The following MAGI2 variants were observed in gnomAD, a reference collection of about 807,000 sequenced individuals.
The protein encoded by MAGI2 is membrane-associated guanylate kinase, WW and PDZ domain-containing protein 2.
MAGI2 carries 35 observed loss-of-function variants against 133.3 expected under a neutral mutation model. The observed-to-expected ratio is 0.26, with a 90% confidence interval of 0.20 to 0.35. MAGI2 has a LOEUF of 0.35. MAGI2 is among the 10% of genes least tolerant of loss of function. The probability of loss-of-function intolerance (pLI) is 1.00; values close to 1 mark genes in which losing one functional copy is unlikely to be tolerated. For synonymous variants in MAGI2, 729 were observed against 710.6 expected, an observed-to-expected ratio of 1.03 and a Z score of -0.41; for missense variants, 1,636 against 1,863.4, an observed-to-expected ratio of 0.88 and a Z score of 2.25.
chr7:78,611,786 A>G (rs748601941), intron 3 of MAGI2, among the ~76,000 whole-genome samples: 40 of 152,160 alleles, frequency 2.6e-4, no homozygotes, highest in Non-Finnish European at 2.8e-4. Flanking sequence ...ACTGCCAACA[A>G]TTCTTATGCT....
intron 2 of MAGI2, among the ~76,000 whole-genome samples, chr7:78,835,202 T>C (rs1219882873): frequency 6.6e-6 from 1 of 152,222 alleles, no homozygotes; most frequent in Non-Finnish European, 1.5e-5. Context: ...ACCAGCAACG[T>C]ACAAAGTTTC....
chr7:79,093,596 T>C (rs967239712), intron 1 of MAGI2, among the ~76,000 whole-genome samples: 2 of 152,150 alleles, frequency 1.3e-5, no homozygotes, highest in Non-Finnish European at 2.9e-5. Flanking sequence ...TTCTTGCTGG[T>C]TAGAGAGTCT....
At chr7:79,275,107 C>T (rs367877969) in intron 1 of MAGI2, among the ~76,000 whole-genome samples, 1 of 152,066 alleles carries the variant, frequency 6.6e-6, no homozygotes, top group South Asian at 2.1e-4. Context: ...GGAAGAGTCA[C>T]AAGTCTCTCA....
chr7:78,743,824 C>T (rs1038700693), intron 2 of MAGI2, among the ~76,000 whole-genome samples: 1 of 152,158 alleles, frequency 6.6e-6, no homozygotes, highest in African/African-American at 2.4e-5. Flanking sequence ...CTGAACAGTT[C>T]TCTATTCCAA....
intron 1 of MAGI2, among the ~76,000 whole-genome samples, chr7:79,367,357 G>T (rs1237676195): frequency 6.6e-6 from 1 of 152,226 alleles, no homozygotes; most frequent in East Asian, 1.9e-4. Flanking sequence ...ATGCATCATT[G>T]ATGTTGCTTA....
chr7:78,058,989 G>C (rs1232939706), intron 21 of MAGI2, among the ~76,000 whole-genome samples: 1 of 152,130 alleles, frequency 6.6e-6, no homozygotes, highest in African/African-American at 2.4e-5. Flanking sequence ...CATTCAGCAG[G>C]TTTTATTGAT....
At chr7:78,043,246 T>C (rs939182154) in intron 21 of MAGI2, among the ~76,000 whole-genome samples, 3 of 152,212 alleles carry the variant, frequency 2.0e-5, no homozygotes, top group African/African-American at 4.8e-5. Flanking sequence ...ATAAAAATAG[T>C]GTTTTTTTTG....
At position 78,738,884 on chromosome 7, in the gene MAGI2, TAAGAAA is replaced by T. The variant is rs552833683; in HGVS notation, c.419-111651_419-111646del. On this transcript the variant is annotated intron_variant, in intron 2 of 21. Coordinates refer to ENST00000354212, the MANE Select transcript of MAGI2 (RefSeq NM_012301.4). The stretch of plus-strand genomic sequence containing the variant: ...AGTAAATAAGAAAGAAGAAACTACA[TAAGAAA>T]AAGAAAAATATAGATACATAACTCA... Among the ~76,000 whole-genome samples the T allele has an allele frequency of 1.3e-4, 20 of 152,080 alleles. No individual in the cohort carries two copies. In the South Asian group the frequency reaches 1.4e-3, roughly 11 times the overall value.
chr7:78,631,081 ATTGT>A lies in MAGI2; in HGVS notation c.419-3846_419-3843del, dbSNP rs1192010164. Among the ~76,000 whole-genome samples, 3 of 152,264 alleles carry A rather than the reference ATTGT, an allele frequency of 2.0e-5. No homozygotes were observed. The East Asian group carries it at 5.8e-4, about 29-fold the overall frequency. On this transcript the variant is annotated intron_variant, in intron 2 of 21. Coordinates refer to ENST00000354212, the MANE Select transcript of MAGI2 (RefSeq NM_012301.4). ...CTGTCGAAGGTTGCATGGAAGCCACATTGTTTGAGATTTTCCAAGCCTGAAAATG... is the reference window on the plus strand; with the variant it reads ...CTGTCGAAGGTTGCATGGAAGCCACATTGAGATTTTCCAAGCCTGAAAATG...
At chr7:78,785,636 T>G (rs1826754254) in intron 2 of MAGI2, among the ~76,000 whole-genome samples, 1 of 152,194 alleles carries the variant, frequency 6.6e-6, no homozygotes, top group African/African-American at 2.4e-5. Context: ...GGTTATATCT[T>G]TACTCCTTGC....
chr7:78,063,390 T>C (rs1813482305), intron 21 of MAGI2, among the ~76,000 whole-genome samples: 1 of 152,218 alleles, frequency 6.6e-6, no homozygotes, highest in African/African-American at 2.4e-5. Flanking sequence ...TACAGTCATG[T>C]GCTTGCACAC....
At chr7:78,925,453 C>T (rs1799621222) in intron 2 of MAGI2, among the ~76,000 whole-genome samples, 1 of 151,946 alleles carries the variant, frequency 6.6e-6, no homozygotes, top group Non-Finnish European at 1.5e-5. Flanking sequence ...CTGAACTTTC[C>T]ATCATTCATC....
chr7:79,221,037 A>G (rs1421156859), intron 1 of MAGI2, among the ~76,000 whole-genome samples: 2 of 151,934 alleles, frequency 1.3e-5, no homozygotes, highest in African/African-American at 4.8e-5. Context: ...GAGCAATACC[A>G]CGTGCACCTG....
At chr7:78,874,568 G>A (rs931145847) in intron 2 of MAGI2, among the ~76,000 whole-genome samples, 21 of 152,128 alleles carry the variant, frequency 1.4e-4, no homozygotes, top group African/African-American at 4.6e-4. Context: ...TTATTCATAT[G>A]TGAAATCCAA....
Position 79,261,127 on chromosome 7 carries a change from T to C in MAGI2, c.301+191893A>G, listed in dbSNP as rs146918942. 2.3e-4 allele frequency among the ~76,000 whole-genome samples: 35 copies of C among 152,346 alleles called. No individual in the cohort carries two copies. The East Asian group carries it at 6.7e-3, about 29-fold the overall frequency. ...CTCAAAATATGGTCATGTTTCAGTA[T>C]AGAACAGTCAAAATCATAGAGGTTA... On this transcript the variant is annotated intron_variant, in intron 1 of 21. Coordinates refer to ENST00000354212, the MANE Select transcript of MAGI2 (RefSeq NM_012301.4).
chr7:79,077,429 C>T (rs1169360577), intron 1 of MAGI2, among the ~76,000 whole-genome samples: 7 of 150,776 alleles, frequency 4.6e-5, no homozygotes, highest in African/African-American at 1.7e-4. Flanking sequence ...GGCGTGGTGG[C>T]GGGCGCCTGT....
intron 6 of MAGI2, among the ~76,000 whole-genome samples, chr7:78,370,425 A>T (rs563812728): frequency 2.0e-5 from 3 of 151,984 alleles, no homozygotes; most frequent in Non-Finnish European, 4.4e-5. Context: ...TCTATTTTTG[A>T]ATATTTGGGA....
At chr7:79,256,243 C>T (rs1049248243) in intron 1 of MAGI2, among the ~76,000 whole-genome samples, 2 of 152,092 alleles carry the variant, frequency 1.3e-5, no homozygotes, top group African/African-American at 2.4e-5. Flanking sequence ...ATTTTCCTTT[C>T]GAGATGGGTT....
intron 1 of MAGI2, among the ~76,000 whole-genome samples, chr7:79,296,109 C>T (rs1836908908): frequency 6.6e-6 from 1 of 152,150 alleles, no homozygotes; most frequent in Non-Finnish European, 1.5e-5. Flanking sequence ...CTTTGTGCCA[C>T]AAGAGCATTG....
Sources: allele counts gnomAD v4.1 joint callset (sites outside exome capture counted in the v4.1 genomes callset), GRCh38; gene constraint gnomAD v4.1.1; transcripts MANE v1.5; gene names NCBI Gene and HGNC (gene_info 2026-07-23, HGNC 2026-07-21).